The following TTLL5 variants were observed in gnomAD, a reference collection of about 807,000 sequenced individuals.
The protein encoded by TTLL5 is tubulin tyrosine ligase like 5, also known as tubulin polyglutamylase TTLL5.
TTLL5 carries 132 observed loss-of-function variants against 168.4 expected under a neutral mutation model. The observed-to-expected ratio is 0.78, with a 90% CI of 0.68 to 0.91. The LOEUF (loss-of-function observed/expected upper bound fraction) is 0.91, where lower values mean the gene tolerates loss of function less well. Among genes scored for constraint, TTLL5 ranks in the 40% least tolerant of loss-of-function variants. The pLI is 0.00. For synonymous variants in TTLL5, 546 were observed against 558.6 expected (o/e 0.98, Z 0.32); for missense variants, 1,545 against 1,581.5 (o/e 0.98, Z 0.39).
chr14:75,766,085 A>G lies in TTLL5; in HGVS notation c.1732A>G (p.Asn578Asp). 1 of 1,611,986 alleles carries G rather than the reference A, an allele frequency of 6.2e-7. No individual in the cohort carries two copies. Among genetic ancestry groups the G allele is most frequent in the African/African-American group, 1.3e-5 (1 of 74,886 alleles). Residue 578 changes from asparagine to aspartate, a missense_variant, in exon 20 of 32, where the codon AAT becomes GAT. Coordinates refer to ENST00000298832, the MANE Select transcript of TTLL5 (RefSeq NM_015072.5). ...AGTGATTACCCAACCAGCTGAAATG[A>G]ATGTTAAAACTGAGACAGAGAGTGA... ...YPVITQPAEM[N>D]VKTETESEEE...
intron 15 of TTLL5, among the ~76,000 whole-genome samples, chr14:75,739,333 T>G (rs1168046857): frequency 2.0e-5 from 3 of 152,168 alleles, no homozygotes; most frequent in African/African-American, 7.2e-5. Flanking sequence ...TACTTTGCAA[T>G]GTTCTATTTT....
intron 19 of TTLL5, among the ~76,000 whole-genome samples, chr14:75,765,684 A>G (rs969881796): frequency 2.0e-5 from 3 of 152,052 alleles, no homozygotes; most frequent in African/African-American, 7.2e-5. Context: ...GCAATCTGGC[A>G]AAATCCTGTC....
chr14:75,679,332 A>AG (rs1884420355), intron 3 of TTLL5, among the ~76,000 whole-genome samples: 1 of 152,240 alleles, frequency 6.6e-6, no homozygotes, highest in Admixed American at 6.5e-5. Flanking sequence ...AGATAGAGGA[A>AG]GGGGACCATA....
chr14:75,716,102 A>C (rs1323400217), intron 9 of TTLL5, among the ~76,000 whole-genome samples: 1 of 152,156 alleles, frequency 6.6e-6, no homozygotes, highest in African/African-American at 2.4e-5. Flanking sequence ...TGCATCTCAC[A>C]AGAATTCAGA....
intron 5 of TTLL5, among the ~76,000 whole-genome samples, chr14:75,688,189 G>C (rs1470316176): frequency 6.6e-6 from 1 of 152,162 alleles, no homozygotes; most frequent in African/African-American, 2.4e-5. Flanking sequence ...ACCAAGGCAT[G>C]ATTAGAGGGT....
chr14:75,864,174 T>C (rs1244272020), intron 29 of TTLL5, among the ~76,000 whole-genome samples: 2 of 152,184 alleles, frequency 1.3e-5, no homozygotes, highest in African/African-American at 2.4e-5. Context: ...TAACCTCCCA[T>C]AGGGTCTGAT....
intron 20 of TTLL5, among the ~76,000 whole-genome samples, chr14:75,769,456 G>A (rs1297787807): frequency 1.3e-5 from 2 of 152,120 alleles, no homozygotes; most frequent in Non-Finnish European, 2.9e-5. Flanking sequence ...TGTTGCAAGT[G>A]ACTAGCTGAA....
chr14:75,947,904 C>T (rs2034826353), intron 31 of TTLL5, among the ~76,000 whole-genome samples: 1 of 149,560 alleles, frequency 6.7e-6, no homozygotes, highest in African/African-American at 2.5e-5. Context: ...CATGCCACTG[C>T]ACTCCAGCCT....
chr14:75,839,717 A>C (rs769866733), intron 28 of TTLL5, among the ~76,000 whole-genome samples: 2 of 152,162 alleles, frequency 1.3e-5, no homozygotes, highest in Non-Finnish European at 2.9e-5. Context: ...TGGGGATTAT[A>C]ATTCAAGATG....
Position 75,664,526 on chromosome 14 carries a change from A to G in TTLL5, c.74+1303A>G, listed in dbSNP as rs182749181. Among the ~76,000 whole-genome samples the G allele has an allele frequency of 5.3e-3, 806 of 152,350 alleles. 5 individuals carry two copies. Among genetic ancestry groups the G allele is most frequent in the African/African-American group, 0.015 (637 of 41,572 alleles). ...TGTAAGTGCTATACAAATGTAAGGC[A>G]TTATTTTTACTGGTTTTAATATTGA... On this transcript the variant is annotated intron_variant, in intron 2 of 31. Transcript: ENST00000298832.
At chr14:75,782,203 G>A (rs1011616664) in intron 24 of TTLL5, among the ~76,000 whole-genome samples, 2 of 151,940 alleles carry the variant, frequency 1.3e-5, no homozygotes, top group Admixed American at 6.6e-5. Context: ...TTCCAGATAA[G>A]CCCTAGCTTG....
intron 15 of TTLL5, among the ~76,000 whole-genome samples, chr14:75,738,519 A>G (rs1383405323): frequency 2.6e-5 from 4 of 152,174 alleles, no homozygotes; most frequent in Admixed American, 6.5e-5. Flanking sequence ...CTTGTCTAAT[A>G]TTTAGTAACT....
At chr14:75,757,753 G>A (rs1890370147) in intron 18 of TTLL5, 5 of 1,287,806 alleles carry the variant, frequency 3.9e-6, no homozygotes, top group Non-Finnish European at 5.2e-6. Flanking sequence ...AAAATTTCTG[G>A]AGTGCATGTG....
chr14:75,868,824 A>G (rs2030755913), intron 29 of TTLL5, among the ~76,000 whole-genome samples: 2 of 151,942 alleles, frequency 1.3e-5, no homozygotes, highest in African/African-American at 2.4e-5. Context: ...GTTGTGGAGG[A>G]GGGGAGGGGA....
chr14:75,819,232 A>C (rs1362419178), intron 27 of TTLL5, among the ~76,000 whole-genome samples: 1 of 152,228 alleles, frequency 6.6e-6, no homozygotes, highest in Non-Finnish European at 1.5e-5. Context: ...GCTAGATTGT[A>C]GTATCAAAGT....
chr14:75,905,635 T>G (rs1180089851), intron 31 of TTLL5, among the ~76,000 whole-genome samples: 4 of 152,236 alleles, frequency 2.6e-5, no homozygotes, highest in Non-Finnish European at 5.9e-5. Flanking sequence ...TGAGAGCTCT[T>G]GGCCCAAAGC....
intron 15 of TTLL5, among the ~76,000 whole-genome samples, chr14:75,742,247 T>TCTTA (rs1173728511): frequency 3.3e-5 from 5 of 152,304 alleles, no homozygotes; most frequent in African/African-American, 1.2e-4. Flanking sequence ...AATGTTTGTT[T>TCTTA]CTTACTCTCT....
At chr14:75,787,699 C>T (rs927770357) in intron 26 of TTLL5, among the ~76,000 whole-genome samples, 2 of 152,138 alleles carry the variant, frequency 1.3e-5, no homozygotes, top group East Asian at 1.9e-4. Flanking sequence ...TTAGACAAAA[C>T]GCCTCAAGCG....
intron 30 of TTLL5, among the ~76,000 whole-genome samples, chr14:75,900,357 G>A (rs189324502): frequency 5.1e-4 from 77 of 152,258 alleles, no homozygotes; most frequent in Non-Finnish European, 9.3e-4. Context: ...TGATCCTTGC[G>A]CCAATGCTGG....
Sources: gnomAD v4.1 joint callset for allele counts (sites outside exome capture counted in the v4.1 genomes callset) on GRCh38, gnomAD v4.1.1 for gene constraint, MANE v1.5 for transcripts, NCBI Gene and HGNC (gene_info 2026-07-23, HGNC 2026-07-21) for gene names.